EFL1: variants seen among roughly 807,000 people sequenced by gnomAD.
The protein encoded by EFL1 is elongation factor like GTPase 1.
EFL1 carries 76 observed loss-of-function variants against 126.7 expected under a neutral mutation model. The observed-to-expected ratio is 0.60, with a 90% CI of 0.50 to 0.73. The LOEUF is 0.73. EFL1 is among the 30% of genes least tolerant of loss of function. The pLI, the probability that EFL1 is intolerant of heterozygous loss-of-function variation, is 0.00. For missense variants in EFL1, 1,128 were observed against 1,343.2 expected, an observed-to-expected ratio of 0.84 and a Z score of 2.50; for synonymous variants, 410 against 448.4, an observed-to-expected ratio of 0.91 and a Z score of 1.08.
chr15:82,225,089 C>G, intron 12 of EFL1, 76 bp downstream of exon 12: 2 of 1,173,166 alleles, frequency 1.7e-6, no homozygotes, highest in Non-Finnish European at 1.2e-6. Flanking sequence ...CGTGCCCCCC[C>G]TACCCACAGC....
At chr15:82,130,734 C>T (rs1036537343) in intron 19 of EFL1, among the ~76,000 whole-genome samples, 173 bp from the exon 20 acceptor site, 1 of 152,200 alleles carries the variant, frequency 6.6e-6, no homozygotes, top group Non-Finnish European at 1.5e-5. Context: ...TGTGGTGGCT[C>T]ACGCCTATAG....
chr15:82,195,980 T>C (rs954784861), intron 15 of EFL1, among the ~76,000 whole-genome samples: 2 of 151,670 alleles, frequency 1.3e-5, no homozygotes, highest in South Asian at 2.1e-4. Flanking sequence ...TCTGACGCAG[T>C]TGGGGAAGGC....
chr15:82,230,973 T>A lies in EFL1; in HGVS notation c.732-2A>T. ...TAGATTCTGGCGAAGTGCTCAATTC[T>A]GAAAGAAGACCAAATGTTCATGTTA... On this transcript the variant is annotated splice_acceptor_variant, in intron 7 of 19. Transcript: ENST00000268206. LOFTEE classifies it high-confidence loss of function. The A allele has an allele frequency of 1.2e-6, 2 of 1,610,002 alleles. No individual in the cohort carries two copies. The highest frequency in any genetic ancestry group is 1.7e-6 in the Non-Finnish European group (2 of 1,178,602).
chr15:82,141,709 A>G (rs1043926122), intron 18 of EFL1, among the ~76,000 whole-genome samples: 1 of 151,482 alleles, frequency 6.6e-6, no homozygotes, highest in Non-Finnish European at 1.5e-5. Flanking sequence ...AACAAAAAAG[A>G]AACGTTTGAA....
At chr15:82,179,117 C>G (rs1272911449) in intron 15 of EFL1, among the ~76,000 whole-genome samples, 1 of 152,012 alleles carries the variant, frequency 6.6e-6, no homozygotes, top group East Asian at 1.9e-4. Context: ...GCAATCTAGC[C>G]AGGGCAACAG....
intron 15 of EFL1, among the ~76,000 whole-genome samples, chr15:82,190,442 T>C (rs2074347635): frequency 6.6e-6 from 1 of 152,238 alleles, no homozygotes; most frequent in African/African-American, 2.4e-5. Context: ...TGGTCTTTAC[T>C]TTTGAATGCT....
At chr15:82,224,619 C>T (rs2074742929) in intron 12 of EFL1, among the ~76,000 whole-genome samples, 1 of 152,114 alleles carries the variant, frequency 6.6e-6, no homozygotes, top group Admixed American at 6.5e-5. Flanking sequence ...CAACAATATC[C>T]ACAAGAGATG....
At chr15:82,224,702 A>G (rs1334926614) in intron 12 of EFL1, among the ~76,000 whole-genome samples, 2 of 152,212 alleles carry the variant, frequency 1.3e-5, no homozygotes, top group Non-Finnish European at 2.9e-5. Flanking sequence ...CAGGAAATGT[A>G]GAAGACACAG....
intron 15 of EFL1, among the ~76,000 whole-genome samples, chr15:82,207,303 T>TACACAC (rs1449816204): frequency 2.1e-4 from 23 of 112,154 alleles, no homozygotes; most frequent in African/African-American, 8.6e-4. Flanking sequence ...TATATATATA[T>TACACAC]ATATACACAC....
At chr15:82,175,591 G>C (rs1020288980) in intron 15 of EFL1, among the ~76,000 whole-genome samples, 1 of 152,114 alleles carries the variant, frequency 6.6e-6, no homozygotes, top group African/African-American at 2.4e-5. Flanking sequence ...TAAAAACACA[G>C]TATTGGCCGG....
At chr15:82,189,758 T>C (rs957272466) in intron 15 of EFL1, among the ~76,000 whole-genome samples, 2 of 152,200 alleles carry the variant, frequency 1.3e-5, no homozygotes, top group Admixed American at 6.5e-5. Flanking sequence ...TATACATTAG[T>C]ATATACATTT....
chr15:82,198,103 G>A (rs1346951135), intron 15 of EFL1, among the ~76,000 whole-genome samples: 1 of 152,202 alleles, frequency 6.6e-6, no homozygotes, highest in Non-Finnish European at 1.5e-5. Context: ...CACTGGTGTG[G>A]ACAGAGCACA....
intron 11 of EFL1, among the ~76,000 whole-genome samples, chr15:82,226,124 A>G (rs754396212): frequency 1.3e-5 from 2 of 152,168 alleles, no homozygotes; most frequent in African/African-American, 2.4e-5. Flanking sequence ...ACAGGAATCA[A>G]GAGCAGAAGC....
At chr15:82,206,166 ATTATAC>A (rs762130616) in intron 15 of EFL1, among the ~76,000 whole-genome samples, 18 of 152,226 alleles carry the variant, frequency 1.2e-4, no homozygotes, top group Non-Finnish European at 8.8e-5. Context: ...TTCATTCCAA[ATTATAC>A]TAAGATTCAG....
At chr15:82,200,665 G>C (rs549212976) in intron 15 of EFL1, among the ~76,000 whole-genome samples, 3 of 152,286 alleles carry the variant, frequency 2.0e-5, no homozygotes, top group Admixed American at 1.3e-4. Context: ...TGTACTATCT[G>C]AGCTAAACAA....
intron 18 of EFL1, among the ~76,000 whole-genome samples, chr15:82,150,199 C>G (rs1052581798): frequency 6.6e-6 from 1 of 152,104 alleles, no homozygotes; most frequent in Non-Finnish European, 1.5e-5. Context: ...TAATGACGCT[C>G]AGTCTCACAA....
chr15:82,138,893 C>A, intron 18 of EFL1, 51 bp from the exon 19 acceptor site: 1 of 1,544,892 alleles, frequency 6.5e-7, no homozygotes, highest in Admixed American at 1.8e-5. Flanking sequence ...ATGGCTTGAG[C>A]CACACCAAGA....
Position 82,130,549 on chromosome 15 carries a change from C to T in EFL1, c.3187G>A (p.Asp1063Asn). 2 of 1,613,822 alleles carry T rather than the reference C, an allele frequency of 1.2e-6. No homozygotes were observed. Among genetic ancestry groups the T allele is most frequent in the South Asian group, 2.2e-5 (2 of 90,950 alleles). Reference sequence around the variant, plus strand: ...TCAGTAGTTGGCACCCAGAAGGGGTCACTGGGAATGATCTTGTAAAAGAAG... The same window carrying T: ...TCAGTAGTTGGCACCCAGAAGGGGTTACTGGGAATGATCTTGTAAAAGAAG... ...VFSHWEIIPS[D>N]PFWVPTTEEE... Residue 1063 changes from aspartate (D) to asparagine (N), a missense_variant, in exon 20 of 20, where the codon GAC (aspartate) becomes AAC (asparagine). Physicochemically the swap from Asp to Asn is conservative, Grantham distance 23. This residue lies in a region of EFL1 where 561 missense variants were observed against 641.7 expected (regional missense o/e 0.87). Coordinates refer to ENST00000268206, the MANE Select transcript of EFL1 (RefSeq NM_024580.6).
chr15:82,225,793 C>G (rs548801213), intron 11 of EFL1, among the ~76,000 whole-genome samples: 7 of 152,028 alleles, frequency 4.6e-5, no homozygotes, highest in African/African-American at 1.7e-4. Context: ...ATTAAGATAC[C>G]AATTCTCCCT....
Sources: gnomAD v4.1 joint callset for allele counts (sites outside exome capture counted in the v4.1 genomes callset) on GRCh38, gnomAD v4.1.1 for gene constraint, gnomAD v4.1.1 regional missense constraint, MANE v1.5 for transcripts, NCBI Gene and HGNC (gene_info 2026-07-23, HGNC 2026-07-21) for gene names.